COL5A1: variants seen among roughly 807,000 people sequenced by gnomAD.
COL5A1 encodes the protein collagen type V alpha 1 chain, also known as collagen alpha-1(V) chain.
In COL5A1, 16 loss-of-function variants were observed where a neutral mutation model predicts 263.7. The observed-to-expected ratio is 0.06, with a 90% CI of 0.04 to 0.09. The LOEUF is 0.09. Ranked by LOEUF, COL5A1 falls within the 10% of genes least tolerant of loss-of-function variation. The pLI, the probability that COL5A1 is intolerant of heterozygous loss-of-function variation, is 1.00. For synonymous variants in COL5A1, 1,012 were observed against 1,004.5 expected, an observed-to-expected ratio of 1.01 and a Z score of -0.14; for missense variants, 2,036 against 2,540.5, an observed-to-expected ratio of 0.80 and a Z score of 4.27.
At chr9:134,651,745 C>T (rs939469581) in intron 1 of COL5A1, among the ~76,000 whole-genome samples, 2 of 152,152 alleles carry the variant, frequency 1.3e-5, no homozygotes, top group Non-Finnish European at 2.9e-5. Flanking sequence ...CGATGACAGG[C>T]GCGGGACAGA....
At chr9:134,783,929 CAT>C (rs1837357211) in intron 29 of COL5A1, among the ~76,000 whole-genome samples, 1 of 152,234 alleles carries the variant, frequency 6.6e-6, no homozygotes, top group Non-Finnish European at 1.5e-5. Context: ...TCTGTTCACA[CAT>C]GTGGCGTCCA....
rs1245659072 is a variant in COL5A1, at chr9:134,659,775, G to A, written c.109+17479G>A. ...GGGCTCCACAGGCGCCCCGAGTACC[G>A]TCCTCGATGAGATCTGCGGATTAGA... is the stretch of plus-strand genomic sequence containing the variant. On this transcript the variant is annotated intron_variant, in intron 1 of 65. Coordinates refer to ENST00000371817, the MANE Select transcript of COL5A1 (RefSeq NM_000093.5). 2.6e-5 allele frequency among the ~76,000 whole-genome samples: 4 copies of A among 152,144 alleles called. No individual in the cohort carries two copies. In the South Asian group the frequency reaches 6.2e-4, roughly 24 times the overall value.
At chr9:134,670,750 A>C (rs1039152639) in intron 1 of COL5A1, among the ~76,000 whole-genome samples, 1 of 152,222 alleles carries the variant, frequency 6.6e-6, no homozygotes, top group African/African-American at 2.4e-5. Flanking sequence ...TCTAGAACCC[A>C]GCAGACATTC....
intron 11 of COL5A1, among the ~76,000 whole-genome samples, chr9:134,747,594 T>C (rs1444976424): frequency 2.0e-5 from 3 of 151,400 alleles, no homozygotes; most frequent in African/African-American, 7.3e-5. Flanking sequence ...CATACACACA[T>C]GCATTCACAC....
At chr9:134,730,203 C>T (rs752275898) in intron 6 of COL5A1, 33 bp from the exon 7 acceptor site, 5 of 1,610,758 alleles carry the variant, frequency 3.1e-6, no homozygotes, top group Non-Finnish European at 8.5e-7. Context: ...GGCCTCCGCC[C>T]TGACTCCAGC....
chr9:134,730,132 C>A, intron 6 of COL5A1, 104 bp from the exon 7 acceptor site: 1 of 1,526,758 alleles, frequency 6.5e-7, no homozygotes, highest in Non-Finnish European at 9.0e-7. Flanking sequence ...GGGCTCCAGG[C>A]GTTGCCACTG....
At position 134,759,319 on chromosome 9, in the gene COL5A1, TAC is replaced by T. The variant is rs368896967; in HGVS notation, c.1935+1029_1935+1030del. Among the ~76,000 whole-genome samples, 165 of 121,250 alleles carry T rather than the reference TAC, an allele frequency of 1.4e-3. 1 individual carries two copies. Among genetic ancestry groups the T allele is most frequent in the Admixed American group, 3.3e-3 (39 of 11,940 alleles). 79.5% of individuals were successfully genotyped at this position (121,250 alleles called of 152,430 possible). A position where few individuals can be genotyped will look rare whatever the true frequency, so the allele number is the denominator to read the frequency against. On this transcript the variant is annotated intron_variant, in intron 18 of 65. Coordinates refer to ENST00000371817, the MANE Select transcript of COL5A1 (RefSeq NM_000093.5). ...ACACACCCACACACCCCCACACTCA[TAC>T]ACACATGCACACAAGCACACACACA... is the stretch of plus-strand genomic sequence containing the variant.
rs2132874120 is a variant in COL5A1, at chr9:134,821,985, T to C, written c.4555-112T>C. 4 of 920,194 alleles carry C rather than the reference T, an allele frequency of 4.3e-6. No homozygotes were observed. In the Admixed American group the frequency reaches 6.8e-5, roughly 16 times the overall value. The allele number at this position is 920,194 out of a possible 1,614,324, so 57.0% of individuals were successfully genotyped here. On this transcript the variant is annotated intron_variant, in intron 58 of 65. Coordinates refer to ENST00000371817, the MANE Select transcript of COL5A1 (RefSeq NM_000093.5). This position sits in a 1 kb window ranked among gnomAD's most constrained non-coding sequence, Gnocchi z 4.2. ...GAGGCTGCTGAGGGGCCAAAGGGCA[T>C]ACCGTGGGGAAGGGACAGGGGAGCC... is the stretch of plus-strand genomic sequence containing the variant.
In COL5A1 at chr9:134,734,063, C is replaced by T. The variant is rs535230920; in HGVS notation, c.1389+1936C>T. Among the ~76,000 whole-genome samples the T allele has an allele frequency of 5.9e-5, 9 of 152,082 alleles. 1 individual carries two copies. The South Asian group carries it at 1.7e-3, about 28-fold the overall frequency. ...TGAGCTTCGTGTTGGCTCATGTTCC[C>T]GAGTAAGCTGGCTCTGTGAGTGTAG... is the stretch of plus-strand genomic sequence containing the variant. On this transcript the variant is annotated intron_variant, in intron 9 of 65. Coordinates refer to ENST00000371817, the MANE Select transcript of COL5A1 (RefSeq NM_000093.5).
chr9:134,825,769 C>A, intron 62 of COL5A1, 23 bp from the exon 63 acceptor site: 1 of 1,520,512 alleles, frequency 6.6e-7, no homozygotes, highest in South Asian at 1.1e-5. Context: ...CTGCCTGCCT[C>A]CCTCCCCGTC....
intron 60 of COL5A1, 90 bp downstream of exon 60, chr9:134,823,123 C>T (rs1483478981): frequency 3.5e-6 from 5 of 1,438,460 alleles, no homozygotes; most frequent in Non-Finnish European, 4.9e-6. Context: ...ACCCAGACAA[C>T]CGTCCTAGCT....
chr9:134,658,388 G>T (rs1042449886), intron 1 of COL5A1, among the ~76,000 whole-genome samples: 1 of 152,164 alleles, frequency 6.6e-6, no homozygotes, highest in South Asian at 2.1e-4. Flanking sequence ...CTGGCTGCCC[G>T]GGTCTCCAGT....
rs1159680986 is a variant in COL5A1, at chr9:134,760,179, A to T, written c.1936-1746A>T. 3.5e-5 allele frequency among the ~76,000 whole-genome samples: 4 copies of T among 115,382 alleles called. No individual in the cohort carries two copies. In the South Asian group the frequency reaches 1.3e-3, roughly 36 times the overall value. 75.7% of individuals were successfully genotyped at this position (115,382 alleles called of 152,430 possible). A position where few individuals can be genotyped will look rare whatever the true frequency, so the allele number is the denominator to read the frequency against. On this transcript the variant is annotated intron_variant, in intron 18 of 65. Transcript: ENST00000371817. The stretch of plus-strand genomic sequence containing the variant: ...CATGCACACACATACATGCACACAC[A>T]CATACACCCCCACACCCCCACACTC...
chr9:134,727,775 G>A (rs984043613), intron 5 of COL5A1, among the ~76,000 whole-genome samples: 1 of 152,284 alleles, frequency 6.6e-6, no homozygotes, highest in African/African-American at 2.4e-5. Context: ...AGAGGACGGA[G>A]CCTGGGCTTG....
chr9:134,766,109 T>A (rs1234384238), intron 21 of COL5A1, among the ~76,000 whole-genome samples: 1 of 152,212 alleles, frequency 6.6e-6, no homozygotes, highest in African/African-American at 2.4e-5. Context: ...GCTGAAGCCC[T>A]TGATTCCAGT....
intron 25 of COL5A1, among the ~76,000 whole-genome samples, chr9:134,771,500 C>G (rs1291960711): frequency 6.6e-6 from 1 of 152,226 alleles, no homozygotes; most frequent in African/African-American, 2.4e-5. Context: ...TTGCGCCCTC[C>G]CACTCACTTG....
intron 31 of COL5A1, among the ~76,000 whole-genome samples, chr9:134,788,618 G>GAGATAGGTGGATAGAC (rs1564459352): frequency 3.4e-4 from 51 of 149,074 alleles, no homozygotes; most frequent in African/African-American, 1.2e-3. Flanking sequence ...GATGGATAGA[G>GAGATAGGTGGATAGAC]AGATAGATGG....
At chr9:134,820,347 G>C (rs570098361) in intron 58 of COL5A1, 124 bp downstream of exon 58, 1 of 757,446 alleles carries the variant, frequency 1.3e-6, no homozygotes. Context: ...GGTTGAGTCC[G>C]GTCATCCTGC....
chr9:134,766,114 T>C (rs1469291242), intron 21 of COL5A1, among the ~76,000 whole-genome samples: 1 of 152,136 alleles, frequency 6.6e-6, no homozygotes, highest in Non-Finnish European at 1.5e-5. Context: ...AGCCCTTGAT[T>C]CCAGTGGGGC....
Sources: gnomAD v4.1 joint callset for allele counts (sites outside exome capture counted in the v4.1 genomes callset) on GRCh38, gnomAD v4.1.1 for gene constraint, Gnocchi (gnomAD v3.1) non-coding constraint, MANE v1.5 for transcripts, NCBI Gene and HGNC (gene_info 2026-07-23, HGNC 2026-07-21) for gene names.